The following BBX variants were observed in gnomAD, a reference collection of about 807,000 sequenced individuals.
BBX encodes the protein HMG box transcription factor BBX.
In BBX, 30 loss-of-function variants were observed where a neutral mutation model predicts 100.2. That is an observed-to-expected ratio of 0.30 (90% CI 0.22 to 0.41). The LOEUF (loss-of-function observed/expected upper bound fraction) is 0.41, where lower values mean the gene tolerates loss of function less well. Among genes scored for constraint, BBX ranks in the 10% least tolerant of loss-of-function variants. The probability of loss-of-function intolerance (pLI) is 1.00; values close to 1 mark genes in which losing one functional copy is unlikely to be tolerated. For synonymous variants in BBX, 376 were observed against 388.1 expected (o/e 0.97, Z 0.37); for missense variants, 1,023 against 1,129.8 (o/e 0.91, Z 1.35).
intron 2 of BBX, among the ~76,000 whole-genome samples, chr3:107,555,070 AAACAACAAC>A (rs77709627): frequency 1.8e-4 from 27 of 151,070 alleles, no homozygotes; most frequent in Non-Finnish European, 2.8e-4. Context: ...CTCCGTCTCA[AAACAACAAC>A]AACAACAACA....
At chr3:107,571,173 A>G (rs1017382246) in intron 2 of BBX, among the ~76,000 whole-genome samples, 1 of 151,996 alleles carries the variant, frequency 6.6e-6, no homozygotes, top group Non-Finnish European at 1.5e-5. Context: ...GGTAAGTTTA[A>G]AGAGAAAGGT....
intron 15 of BBX, among the ~76,000 whole-genome samples, chr3:107,795,035 C>T (rs1458691711): frequency 1.3e-5 from 2 of 152,116 alleles, no homozygotes; most frequent in Non-Finnish European, 2.9e-5. Flanking sequence ...CTGAAGTGTT[C>T]GGGTAGTTTT....
At chr3:107,804,455 G>A (rs998506197) in intron 17 of BBX, among the ~76,000 whole-genome samples, 1 of 152,164 alleles carries the variant, frequency 6.6e-6, no homozygotes, top group Non-Finnish European at 1.5e-5. Flanking sequence ...TAGGCCTGTT[G>A]GAAAATGTCA....
In BBX at chr3:107,798,695, G is replaced by C; in HGVS notation, c.2526G>C (p.Arg842=). 1 of 1,613,918 alleles carries C rather than the reference G, an allele frequency of 6.2e-7. No individual in the cohort carries two copies. The highest frequency in any genetic ancestry group is 8.5e-7 in the Non-Finnish European group (1 of 1,179,976). ...ACCTTGTCAGGACAGCAGATGGCCG[G>C]GTATCACCAGCAGGAGGTACTTTGG... ...ITHLVRTADG[R]VSPAGGTLDD... The change falls in exon 16 of 18, where the codon CGG becomes CGC. Residue 842 remains arginine, a synonymous_variant. Coordinates refer to ENST00000325805, the MANE Select transcript of BBX (RefSeq NM_001142568.3).
At chr3:107,792,096 G>A (rs995746109) in intron 15 of BBX, among the ~76,000 whole-genome samples, 6 of 152,152 alleles carry the variant, frequency 3.9e-5, no homozygotes, top group African/African-American at 1.2e-4. Context: ...AATTTCTCAC[G>A]GCCATATTTA....
At chr3:107,692,730 G>A (rs2060267835) in intron 3 of BBX, among the ~76,000 whole-genome samples, 2 of 149,820 alleles carry the variant, frequency 1.3e-5, no homozygotes, top group Non-Finnish European at 3.0e-5. Flanking sequence ...GGATGGCTGG[G>A]TCAAATGGTA....
At chr3:107,763,747 A>G (rs984690131) in intron 10 of BBX, among the ~76,000 whole-genome samples, 1 of 152,200 alleles carries the variant, frequency 6.6e-6, no homozygotes, top group African/African-American at 2.4e-5. Flanking sequence ...AATCCTAGGT[A>G]TTAACATACT....
intron 2 of BBX, among the ~76,000 whole-genome samples, chr3:107,634,169 A>T (rs1466487631): frequency 1.3e-5 from 2 of 152,240 alleles, no homozygotes; most frequent in East Asian, 3.8e-4. Context: ...GATAAAGATG[A>T]CAATGCTTAC....
intron 2 of BBX, among the ~76,000 whole-genome samples, chr3:107,539,455 C>T (rs1200525585): frequency 6.6e-6 from 1 of 152,226 alleles, no homozygotes; most frequent in East Asian, 1.9e-4. Flanking sequence ...AGCTGGATGT[C>T]TAGGAATCCT....
At chr3:107,711,963 C>T (rs529115626) in intron 4 of BBX, among the ~76,000 whole-genome samples, 1 of 152,232 alleles carries the variant, frequency 6.6e-6, no homozygotes, top group African/African-American at 2.4e-5. Context: ...CTTCCATCCA[C>T]CTCCCAGGCT....
intron 2 of BBX, among the ~76,000 whole-genome samples, chr3:107,629,497 A>G (rs923571124): frequency 1.3e-5 from 2 of 152,204 alleles, no homozygotes. Flanking sequence ...GCAGCCTCAC[A>G]GAGGATATAT....
At chr3:107,635,903 C>G (rs1046457113) in intron 2 of BBX, among the ~76,000 whole-genome samples, 2 of 151,854 alleles carry the variant, frequency 1.3e-5, no homozygotes, top group African/African-American at 4.8e-5. Flanking sequence ...GTAGAGATGG[C>G]ATTTCACCAT....
At chr3:107,619,187 T>C (rs1400020515) in intron 2 of BBX, among the ~76,000 whole-genome samples, 2 of 152,146 alleles carry the variant, frequency 1.3e-5, no homozygotes, top group African/African-American at 4.8e-5. Flanking sequence ...TTTTTCCTAT[T>C]AATATAGCAC....
intron 3 of BBX, among the ~76,000 whole-genome samples, chr3:107,702,904 G>A (rs2061167465): frequency 6.6e-6 from 1 of 152,158 alleles, no homozygotes; most frequent in African/African-American, 2.4e-5. Context: ...GCAGAAGCAT[G>A]TGGCGGGTGT....
intron 3 of BBX, among the ~76,000 whole-genome samples, chr3:107,679,811 C>T (rs2059480734): frequency 6.6e-6 from 1 of 152,162 alleles, no homozygotes; most frequent in African/African-American, 2.4e-5. Context: ...AAAATTCCTT[C>T]ATGAAGACTC....
intron 2 of BBX, among the ~76,000 whole-genome samples, chr3:107,547,197 T>C (rs1422033875): frequency 1.3e-5 from 2 of 152,168 alleles, no homozygotes; most frequent in African/African-American, 4.8e-5. Context: ...GAATCTCAGC[T>C]GTAGTCGGGA....
chr3:107,793,862 T>C (rs2069318465), intron 15 of BBX, among the ~76,000 whole-genome samples: 1 of 152,168 alleles, frequency 6.6e-6, no homozygotes, highest in African/African-American at 2.4e-5. Flanking sequence ...CTTTCTTTTT[T>C]TTCAAAATAT....
At chr3:107,759,388 T>C (rs2065724837) in intron 10 of BBX, among the ~76,000 whole-genome samples, 1 of 151,166 alleles carries the variant, frequency 6.6e-6, no homozygotes, top group African/African-American at 2.5e-5. Context: ...CAGTTTATCA[T>C]TCATTTAAGT....
intron 15 of BBX, among the ~76,000 whole-genome samples, chr3:107,793,954 A>G (rs901111067): frequency 1.3e-5 from 2 of 152,084 alleles, no homozygotes; most frequent in Non-Finnish European, 2.9e-5. Context: ...ACAATTCAAA[A>G]TTGTTAAACC....
Sources: allele counts gnomAD v4.1 joint callset (sites outside exome capture counted in the v4.1 genomes callset), GRCh38; gene constraint gnomAD v4.1.1; transcripts MANE v1.5; gene names NCBI Gene and HGNC (gene_info 2026-07-23, HGNC 2026-07-21).